Variants in IL7 observed in about 807,000 individuals in gnomAD.
The protein encoded by IL7 is interleukin 7.
Under a neutral mutation model 21.6 loss-of-function variants are expected in IL7, and 3 were observed. The ratio of observed to expected loss-of-function variants is 0.14; its 90% CI spans 0.06 to 0.36. The LOEUF is 0.36. IL7 is among the 10% of genes least tolerant of loss of function. IL7 has a pLI of 1.00. For missense variants in IL7, 175 were observed against 200.2 expected (o/e 0.87, Z 0.76); for synonymous variants, 62 against 68.1 (o/e 0.91, Z 0.44).
At chr8:78,720,947 C>A (rs1811225539) in intron 5 of IL7, 1 of 151,876 alleles carries the variant, frequency 6.6e-6, no homozygotes, top group Non-Finnish European at 1.5e-5. Flanking sequence ...AGAGTGTCAT[C>A]TATTTAAATA....
rs757038747 is a variant in IL7 at position 78,747,041 on chromosome 8, A to G, written c.148-6959T>C. The G allele has an allele frequency of 4.4e-5, 20 of 456,694 alleles. 1 individual carries two copies. The highest frequency in any genetic ancestry group is 6.5e-4 in the Middle Eastern group (2 of 3,076). 28.3% of individuals were successfully genotyped at this position (456,694 alleles called of 1,614,324 possible). A position where few individuals can be genotyped will look rare whatever the true frequency, so the allele number is the denominator to read the frequency against. On this transcript the variant is annotated intron_variant, in intron 2 of 5. Transcript: ENST00000263851. ...GCAAACGAATGTCTAATTATTGCTC[A>G]TAGCTGATTGCTGCTTCCTTTCTGT...
intron 3 of IL7, among the ~76,000 whole-genome samples, chr8:78,688,249 A>G (rs1174308976): frequency 2.0e-5 from 3 of 152,030 alleles, no homozygotes; most frequent in Admixed American, 6.6e-5. Flanking sequence ...TCTTAACTCT[A>G]CATAGCTACA....
At chr8:78,799,685 C>G (rs937074079) in intron 1 of IL7, among the ~76,000 whole-genome samples, 5 of 151,798 alleles carry the variant, frequency 3.3e-5, no homozygotes, top group African/African-American at 1.2e-4. Context: ...CCAAAAAGTT[C>G]TGCAAGTTAG....
chr8:78,759,763 T>G (rs1252617177), intron 2 of IL7, among the ~76,000 whole-genome samples: 1 of 152,184 alleles, frequency 6.6e-6, no homozygotes, highest in Non-Finnish European at 1.5e-5. Flanking sequence ...CTATAACATT[T>G]TATAAAATGT....
chr8:78,722,565 C>G (rs2130634962), intron 3 of IL7, among the ~76,000 whole-genome samples: 1 of 152,046 alleles, frequency 6.6e-6, no homozygotes. Context: ...TAATCAAGAA[C>G]TATGATCTAA....
intron 2 of IL7, among the ~76,000 whole-genome samples, chr8:78,781,757 G>A (rs1215495005): frequency 1.3e-5 from 2 of 152,070 alleles, no homozygotes; most frequent in Non-Finnish European, 2.9e-5. Flanking sequence ...GAATTTGACT[G>A]TTGCCCTGTC....
intron 3 of IL7, among the ~76,000 whole-genome samples, chr8:78,694,150 T>C (rs1810318211): frequency 6.6e-6 from 1 of 152,158 alleles, no homozygotes; most frequent in African/African-American, 2.4e-5. Context: ...TAATTTCCTA[T>C]TTTTTATAGT....
At chr8:78,778,083 T>A (rs1356455459) in intron 2 of IL7, among the ~76,000 whole-genome samples, 1 of 152,086 alleles carries the variant, frequency 6.6e-6, no homozygotes, top group Non-Finnish European at 1.5e-5. Flanking sequence ...ACTGTAATTA[T>A]CAGCATTATC....
chr8:78,767,366 GTTCCTT>G lies in IL7; in HGVS notation c.148-27290_148-27285del, dbSNP rs1812789014. ...TCAGATAGTCATTCTATTTCTTTTT[GTTCCTT>G]TTCCTTTATTTTATAATTTTGGTAT... On this transcript the variant is annotated intron_variant, in intron 2 of 5. Transcript: ENST00000263851. Among the ~76,000 whole-genome samples the G allele has an allele frequency of 3.3e-5, 5 of 151,722 alleles. No homozygotes were observed. In the Middle Eastern group the frequency reaches 0.01, roughly 310 times the overall value.
chr8:78,740,572 C>A (rs1680738961), intron 2 of IL7, among the ~76,000 whole-genome samples: 1 of 152,178 alleles, frequency 6.6e-6, no homozygotes, highest in South Asian at 2.1e-4. Flanking sequence ...AAACCCTTTA[C>A]CCCTTCATAT....
chr8:78,686,852 T>C (rs2130487029), intron 3 of IL7, among the ~76,000 whole-genome samples: 1 of 152,250 alleles, frequency 6.6e-6, no homozygotes, highest in East Asian at 1.9e-4. Flanking sequence ...CATTATAATA[T>C]CATTTAAAAA....
downstream of IL7, among the ~76,000 whole-genome samples, chr8:78,714,958 C>G (rs1334658249): frequency 6.6e-6 from 1 of 151,886 alleles, no homozygotes; most frequent in African/African-American, 2.4e-5. Context: ...GAATGATTAC[C>G]TTATAAATTT....
chr8:78,762,401 T>C (rs1468375649), intron 2 of IL7: 2 of 1,611,202 alleles, frequency 1.2e-6, no homozygotes, highest in African/African-American at 2.7e-5. Flanking sequence ...CTCTTCCGCG[T>C]GCAGTTGGCG....
intron 4 of IL7, among the ~76,000 whole-genome samples, chr8:78,680,376 G>A (rs1232885610): frequency 6.6e-6 from 1 of 151,006 alleles, no homozygotes. Flanking sequence ...TAAAACTGTG[G>A]CCCACAGAGC....
At chr8:78,739,835 T>C (rs1209195496) in intron 3 of IL7, among the ~76,000 whole-genome samples, 167 bp downstream of exon 3, 1 of 152,072 alleles carries the variant, frequency 6.6e-6, no homozygotes, top group Non-Finnish European at 1.5e-5. Context: ...GGACTATTTG[T>C]AAAACAAAAA....
At chr8:78,774,093 A>C (rs1054419110) in intron 2 of IL7, among the ~76,000 whole-genome samples, 2 of 152,130 alleles carry the variant, frequency 1.3e-5, no homozygotes, top group African/African-American at 4.8e-5. Context: ...AGAAAAAAAA[A>C]CATATATTTG....
chr8:78,753,895 T>C (rs763700496), intron 2 of IL7, among the ~76,000 whole-genome samples: 1 of 152,160 alleles, frequency 6.6e-6, no homozygotes, highest in Non-Finnish European at 1.5e-5. Context: ...TGTGATGCTA[T>C]TTCTGAGGCC....
chr8:78,745,619 A>G (rs2130713515), intron 2 of IL7, among the ~76,000 whole-genome samples: 1 of 152,298 alleles, frequency 6.6e-6, no homozygotes, highest in African/African-American at 2.4e-5. Context: ...TTATTTTGCT[A>G]GTACCAGTGC....
chr8:78,791,934 C>T (rs1438672747), intron 2 of IL7, among the ~76,000 whole-genome samples: 1 of 151,972 alleles, frequency 6.6e-6, no homozygotes, highest in Non-Finnish European at 1.5e-5. Context: ...ATATACTAAT[C>T]CCTAAAAAAA....
Sources: allele counts gnomAD v4.1 joint callset (sites outside exome capture counted in the v4.1 genomes callset), GRCh38; gene constraint gnomAD v4.1.1; transcripts MANE v1.5; gene names NCBI Gene and HGNC (gene_info 2026-07-23, HGNC 2026-07-21).